The following NRG3 variants were observed in gnomAD, a reference collection of about 807,000 sequenced individuals.
The protein encoded by NRG3 is pro-neuregulin-3, membrane-bound isoform.
Under a neutral mutation model 66.9 loss-of-function variants are expected in NRG3, and 31 were observed. The ratio of observed to expected loss-of-function variants is 0.46; its 90% CI spans 0.35 to 0.63. The LOEUF is 0.63. NRG3 is among the 20% of genes least tolerant of loss of function. The pLI is 0.00. For synonymous variants in NRG3, 393 were observed against 359.4 expected (o/e 1.09, Z -1.06); for missense variants, 910 against 878.9 (o/e 1.04, Z -0.45).
intron 2 of NRG3, among the ~76,000 whole-genome samples, chr10:82,366,306 T>A (rs909103276): frequency 5.9e-5 from 9 of 152,206 alleles, no homozygotes; most frequent in African/African-American, 2.2e-4. Flanking sequence ...AAAGCATATT[T>A]CAAGAATCCC....
chr10:82,007,045 G>A (rs1015599103), intron 1 of NRG3, among the ~76,000 whole-genome samples: 31 of 152,014 alleles, frequency 2.0e-4, no homozygotes, highest in African/African-American at 7.0e-4. Flanking sequence ...GGGCATATGA[G>A]CATGATATAT....
At chr10:81,939,450 T>C (rs1848205880) in intron 1 of NRG3, among the ~76,000 whole-genome samples, 1 of 152,090 alleles carries the variant, frequency 6.6e-6, no homozygotes, top group African/African-American at 2.4e-5. Context: ...ATAATCTTAC[T>C]AGTTATAGAG....
chr10:82,328,783 C>T (rs187144706), intron 1 of NRG3, among the ~76,000 whole-genome samples: 1,775 of 152,250 alleles, frequency 0.012, 20 homozygotes, highest in South Asian at 0.03. Context: ...GCAAAGAACA[C>T]CTATTCAAGT....
intron 2 of NRG3, among the ~76,000 whole-genome samples, chr10:82,697,112 T>G (rs937976580): frequency 6.6e-6 from 1 of 152,126 alleles, no homozygotes; most frequent in African/African-American, 2.4e-5. Context: ...AAACAAAAAG[T>G]TTCATATTTG....
At chr10:82,360,506 C>T (rs1463178501) in intron 2 of NRG3, among the ~76,000 whole-genome samples, 1 of 152,214 alleles carries the variant, frequency 6.6e-6, no homozygotes, top group Non-Finnish European at 1.5e-5. Flanking sequence ...GGAATCAGAT[C>T]AGGTCCCACC....
At chr10:82,976,771 C>G (rs1032996214) in intron 7 of NRG3, among the ~76,000 whole-genome samples, 1 of 151,988 alleles carries the variant, frequency 6.6e-6, no homozygotes, top group Admixed American at 6.6e-5. Context: ...CACTTGTGTC[C>G]CCTTCCTCCC....
At chr10:82,699,922 G>A (rs1243331232) in intron 2 of NRG3, among the ~76,000 whole-genome samples, 4 of 152,018 alleles carry the variant, frequency 2.6e-5, no homozygotes, top group African/African-American at 9.7e-5. Context: ...TACACTATGA[G>A]TGCATAACTT....
intron 3 of NRG3, among the ~76,000 whole-genome samples, chr10:82,768,415 G>A (rs1366631561): frequency 6.6e-6 from 1 of 152,006 alleles, no homozygotes; most frequent in African/African-American, 2.4e-5. Flanking sequence ...TCAACCTCTT[G>A]TTTGTCGTAG....
chr10:81,888,788 A>T (rs1348655262), intron 1 of NRG3, among the ~76,000 whole-genome samples: 1 of 152,156 alleles, frequency 6.6e-6, no homozygotes, highest in African/African-American at 2.4e-5. Flanking sequence ...GTTAAGCCAC[A>T]GTCAGAATGG....
chr10:82,529,454 A>T, intron 2 of NRG3, among the ~76,000 whole-genome samples: 1 of 152,356 alleles, frequency 6.6e-6, no homozygotes, highest in South Asian at 2.1e-4. Context: ...CTAGAATAGT[A>T]TAAATGCTAT....
chr10:82,787,421 C>A (rs534737077), intron 3 of NRG3, among the ~76,000 whole-genome samples: 1 of 152,192 alleles, frequency 6.6e-6, no homozygotes, highest in East Asian at 1.9e-4. Flanking sequence ...AAGAAAAGAA[C>A]AATTATAATG....
At chr10:82,433,587 A>G (rs2089955357) in intron 2 of NRG3, among the ~76,000 whole-genome samples, 1 of 152,164 alleles carries the variant, frequency 6.6e-6, no homozygotes, top group Non-Finnish European at 1.5e-5. Flanking sequence ...TTTAGGTTTT[A>G]CATTTAAGTA....
intron 2 of NRG3, among the ~76,000 whole-genome samples, chr10:82,663,629 A>G (rs1204436682): frequency 6.6e-6 from 1 of 152,212 alleles, no homozygotes; most frequent in East Asian, 1.9e-4. Flanking sequence ...GAGAACTTCA[A>G]TAATGTCAAT....
chr10:82,372,076 C>T (rs571129830), intron 2 of NRG3, among the ~76,000 whole-genome samples: 13 of 152,252 alleles, frequency 8.5e-5, no homozygotes, highest in African/African-American at 3.1e-4. Flanking sequence ...CTCATGAAGC[C>T]AGGACGGGCT....
intron 1 of NRG3, among the ~76,000 whole-genome samples, chr10:82,227,864 G>A (rs1374749442): frequency 6.6e-6 from 1 of 152,054 alleles, no homozygotes; most frequent in African/African-American, 2.4e-5. Flanking sequence ...CTTCCCCCAA[G>A]GCTCTGGTGT....
At chr10:82,482,912 C>G (rs1471696359) in intron 2 of NRG3, among the ~76,000 whole-genome samples, 3 of 151,988 alleles carry the variant, frequency 2.0e-5, no homozygotes, top group Non-Finnish European at 2.9e-5. Flanking sequence ...TCTGAGTGAA[C>G]CAAAATGAGC....
At chr10:82,091,203 C>G (rs7895300) in intron 1 of NRG3, among the ~76,000 whole-genome samples, 4,107 of 152,146 alleles carry the variant, frequency 0.027, 181 homozygotes, top group African/African-American at 0.094. Flanking sequence ...ATCCATTGAT[C>G]GGTAGTCTTA....
chr10:82,130,297 A>G (rs1205702994), intron 1 of NRG3, among the ~76,000 whole-genome samples: 1 of 151,936 alleles, frequency 6.6e-6, no homozygotes, highest in African/African-American at 2.4e-5. Context: ...TTGCATATGT[A>G]TACATGTGCC....
At chr10:82,767,877 C>G (rs1184543714) in intron 3 of NRG3, among the ~76,000 whole-genome samples, 1 of 146,368 alleles carries the variant, frequency 6.8e-6, no homozygotes, top group African/African-American at 2.6e-5. Flanking sequence ...TCTCTGTTCT[C>G]TCTCTCTCTC....
Sources: allele counts gnomAD v4.1 joint callset (sites outside exome capture counted in the v4.1 genomes callset), GRCh38; gene constraint gnomAD v4.1.1; transcripts MANE v1.5; gene names NCBI Gene and HGNC (gene_info 2026-07-23, HGNC 2026-07-21).